Variants in PWP1 observed in about 807,000 individuals in gnomAD.
The protein encoded by PWP1 is periodic tryptophan protein 1 homolog.
A neutral mutation model predicts 69.9 loss-of-function variants in PWP1; 47 were observed. The ratio of observed to expected loss-of-function variants is 0.67; its 90% CI spans 0.53 to 0.86. The LOEUF (loss-of-function observed/expected upper bound fraction) is 0.86, where lower values mean the gene tolerates loss of function less well. Ranked by LOEUF, PWP1 falls within the 40% of genes least tolerant of loss-of-function variation. The probability of loss-of-function intolerance (pLI) is 0.00; values close to 1 mark genes in which losing one functional copy is unlikely to be tolerated. For missense variants in PWP1, 551 were observed against 608.8 expected (o/e 0.91, Z 1.00); for synonymous variants, 222 against 208.2 (o/e 1.07, Z -0.57).
At chr12:107,701,074 T>C (rs1889700629) in intron 8 of PWP1, among the ~76,000 whole-genome samples, 1 of 152,210 alleles carries the variant, frequency 6.6e-6, no homozygotes, top group African/African-American at 2.4e-5. Context: ...CATCTTTGTT[T>C]TGTGCTTATT....
chr12:107,701,711 C>T (rs897403003), intron 8 of PWP1, among the ~76,000 whole-genome samples: 8 of 152,168 alleles, frequency 5.3e-5, no homozygotes, highest in African/African-American at 1.9e-4. Flanking sequence ...CAGGGTCTTA[C>T]TCTGTCACCC....
At chr12:107,686,059 C>T in intron 1 of PWP1, 88 bp downstream of exon 1, 2 of 1,453,598 alleles carry the variant, frequency 1.4e-6, no homozygotes, top group Non-Finnish European at 1.9e-6. Flanking sequence ...ACCCGGAACT[C>T]GGGGCGTTGG....
intron 11 of PWP1, among the ~76,000 whole-genome samples, chr12:107,707,410 C>T (rs1428703427): frequency 1.3e-5 from 2 of 152,172 alleles, no homozygotes; most frequent in African/African-American, 4.8e-5. Flanking sequence ...CCTGATTGCC[C>T]TGGCCAGAAC....
chr12:107,699,263 C>T (rs1207200566), intron 7 of PWP1, 110 bp from the exon 8 acceptor site: 2 of 896,388 alleles, frequency 2.2e-6, no homozygotes, highest in Admixed American at 2.3e-5. Flanking sequence ...CGTCTCAAAA[C>T]AAAACAAAAC....
chr12:107,700,633 G>C (rs1342528374), intron 8 of PWP1, among the ~76,000 whole-genome samples: 1 of 152,166 alleles, frequency 6.6e-6, no homozygotes, highest in East Asian at 1.9e-4. Context: ...TGCTATGAAT[G>C]TGGGTGTACA....
In PWP1 at chr12:107,692,088, C is replaced by T. The variant is rs569895521; in HGVS notation, c.320-726C>T. Among the ~76,000 whole-genome samples the T allele has an allele frequency of 7.2e-5, 11 of 152,324 alleles. No individual in the cohort carries two copies. The South Asian group carries it at 2.3e-3, about 32-fold the overall frequency. ...AATACAGAGAAACAAATAACCCAGC[C>T]TGGAGAGATGGCATTCAGAATCAGC... is the stretch of plus-strand genomic sequence containing the variant. On this transcript the variant is annotated intron_variant, in intron 3 of 14. Transcript: ENST00000412830.
Position 107,692,807 on chromosome 12 carries a change from C to T in PWP1, c.320-7C>T. On this transcript the variant is annotated splice_region_variant and splice_polypyrimidine_tract_variant and intron_variant, in intron 3 of 14. Transcript: ENST00000412830. Reference sequence around the variant, plus strand: ...TTATTATTGTAGTTTGTCAATTTTTCTTACAGATGCTGAGACTCTTGGTGA... The same window carrying T: ...TTATTATTGTAGTTTGTCAATTTTTTTTACAGATGCTGAGACTCTTGGTGA... 1 of 1,603,302 alleles carries T rather than the reference C, an allele frequency of 6.2e-7. No homozygotes were observed. Among genetic ancestry groups the T allele is most frequent in the Non-Finnish European group, 8.5e-7 (1 of 1,174,522 alleles).
At chr12:107,687,092 T>C (rs1889386110) in intron 1 of PWP1, among the ~76,000 whole-genome samples, 1 of 152,122 alleles carries the variant, frequency 6.6e-6, no homozygotes. Flanking sequence ...AGGGGTTGAT[T>C]TGAATGTACT....
At chr12:107,695,800 A>T (rs1241479577) in intron 5 of PWP1, among the ~76,000 whole-genome samples, 1 of 152,190 alleles carries the variant, frequency 6.6e-6, no homozygotes, top group African/African-American at 2.4e-5. Flanking sequence ...TTTGACTTAT[A>T]ATCAGCTAGA....
chr12:107,704,669 T>A lies in PWP1; in HGVS notation c.999T>A (p.Asp333Glu). Residue 333 changes from aspartate to glutamate, a missense_variant, in exon 11 of 15, where the codon GAT becomes GAA. Physicochemically the swap from Asp to Glu is conservative, Grantham distance 45 (BLOSUM62 2). Transcript: ENST00000412830. Reference protein sequence around the residue: ...SVALYDCRSPDESHRMWRFSG... With the variant: ...SVALYDCRSPEESHRMWRFSG... ...CTTTGTATGACTGCCGAAGTCCAGA[T>A]GAAAGCCATCGAATGTGGCGATTCA... 6.2e-7 allele frequency: 1 copy of A among 1,614,010 alleles called. No individual in the cohort carries two copies. The highest frequency in any genetic ancestry group is 1.1e-5 in the South Asian group (1 of 91,078).
At chr12:107,704,555 A>G (rs1274528808) in intron 10 of PWP1, 81 bp from the exon 11 acceptor site, 12 of 945,924 alleles carry the variant, frequency 1.3e-5, no homozygotes, top group East Asian at 2.6e-5. Context: ...TCACAGTGCT[A>G]TTTTATTACT....
chr12:107,691,605 G>A lies in PWP1; in HGVS notation c.320-1209G>A, dbSNP rs139208791. ...GACATGGAAGAAAGGGATTGCAGAG[G>A]TAGCTGGGAGTTTAGCATCATCCTA... On this transcript the variant is annotated intron_variant, in intron 3 of 14. Transcript: ENST00000412830. 7.0e-3 allele frequency among the ~76,000 whole-genome samples: 1,066 copies of A among 152,236 alleles called. 13 individuals carry two copies. The highest frequency in any genetic ancestry group is 0.024 in the African/African-American group (999 of 41,540).
chr12:107,698,559 G>A (rs1389220267), intron 7 of PWP1, among the ~76,000 whole-genome samples: 2 of 152,056 alleles, frequency 1.3e-5, no homozygotes. Context: ...TTTCTTCCCT[G>A]TTCCTTGTAA....
chr12:107,705,590 A>G (rs919283427), intron 11 of PWP1, among the ~76,000 whole-genome samples: 15 of 138,064 alleles, frequency 1.1e-4, no homozygotes, highest in Non-Finnish European at 2.0e-4. Context: ...TCATTGTTCA[A>G]TTCCCACCTA....
At chr12:107,698,638 G>T (rs1889641687) in intron 7 of PWP1, among the ~76,000 whole-genome samples, 1 of 152,310 alleles carries the variant, frequency 6.6e-6, no homozygotes, top group Non-Finnish European at 1.5e-5. Context: ...AGACTGGAGT[G>T]CAGTGGCACG....
In PWP1 at chr12:107,703,728, T is replaced by C. The variant is rs1889759040; in HGVS notation, c.947T>C (p.Ile316Thr). The C allele has an allele frequency of 6.2e-7, 1 of 1,603,696 alleles. No individual in the cohort carries two copies. Among genetic ancestry groups the C allele is most frequent in the South Asian group, 1.1e-5 (1 of 90,910 alleles). ...CATCCATTTGAAGCACAGACTCTGA[T>C]TTCTGGCTCATATGATAAGTAAGAA... ...QFHPFEAQTL[I>T]SGSYDKSVAL... Residue 316 changes from isoleucine (I) to threonine (T), a missense_variant, in exon 10 of 15, where the codon ATT becomes ACT. By Grantham distance (89) the Ile-to-Thr change is moderately conservative (BLOSUM62 -1). Transcript: ENST00000412830.
chr12:107,711,986 T>TG, intron 14 of PWP1, 125 bp from the exon 15 acceptor site: 1 of 677,906 alleles, frequency 1.5e-6, no homozygotes, highest in South Asian at 2.0e-5. Context: ...CTTGGACTTC[T>TG]GAGTTGGTTA....
chr12:107,693,939 G>A (rs1889533312), intron 5 of PWP1, among the ~76,000 whole-genome samples: 1 of 152,024 alleles, frequency 6.6e-6, no homozygotes, highest in African/African-American at 2.4e-5. Flanking sequence ...TCAACACAAA[G>A]GGCCACGTTT....
rs148971597 is a variant in PWP1, at chr12:107,689,915, G to A, written c.319+1113G>A. On this transcript the variant is annotated intron_variant, in intron 3 of 14. Coordinates refer to ENST00000412830, the MANE Select transcript of PWP1 (RefSeq NM_007062.3). The stretch of plus-strand genomic sequence containing the variant: ...TATAACGATAAATGGAAAAGGAGCT[G>A]ACAAAGCTCGCTTTGTTTCTTTTGG... Among the ~76,000 whole-genome samples the A allele has an allele frequency of 5.2e-3, 797 of 152,306 alleles. 14 individuals are homozygous for A. Among genetic ancestry groups the A allele is most frequent in the African/African-American group, 0.019 (774 of 41,558 alleles).
Sources: allele counts gnomAD v4.1 joint callset (sites outside exome capture counted in the v4.1 genomes callset), GRCh38; gene constraint gnomAD v4.1.1; transcripts MANE v1.5; gene names NCBI Gene and HGNC (gene_info 2026-07-23, HGNC 2026-07-21).